ATP8B4: variants seen among roughly 807,000 people sequenced by gnomAD.
ATP8B4 encodes the protein ATPase phospholipid transporting 8B4 (putative).
ATP8B4 carries 133 observed loss-of-function variants against 145.6 expected under a neutral mutation model. The ratio of observed to expected loss-of-function variants is 0.91; its 90% confidence interval spans 0.79 to 1.05. The LOEUF is 1.05. Among genes scored for constraint, ATP8B4 ranks in the 50% least tolerant of loss-of-function variants. The pLI is 0.00. For synonymous variants in ATP8B4, 507 were observed against 492.9 expected, an observed-to-expected ratio of 1.03 and a Z score of -0.38; for missense variants, 1,458 against 1,425.2, an observed-to-expected ratio of 1.02 and a Z score of -0.37.
intron 11 of ATP8B4, among the ~76,000 whole-genome samples, chr15:49,980,103 T>C (rs1051348987): frequency 1.3e-5 from 2 of 152,164 alleles, no homozygotes; most frequent in African/African-American, 4.8e-5. Context: ...ATGTAACTTG[T>C]CTATGTTCAT....
At chr15:50,085,962 T>TGA (rs1567331326) in intron 2 of ATP8B4, among the ~76,000 whole-genome samples, 2 of 55,272 alleles carry the variant, frequency 3.6e-5, no homozygotes, top group African/African-American at 1.8e-4. Flanking sequence ...ATCATATATA[T>TGA]TTATATATGA....
chr15:49,998,219 T>A (rs2047585370), intron 8 of ATP8B4, among the ~76,000 whole-genome samples: 1 of 152,352 alleles, frequency 6.6e-6, no homozygotes, highest in South Asian at 2.1e-4. Context: ...GCCTTCTTGA[T>A]ACTTTTAAAA....
At position 49,879,389 on chromosome 15, in the gene ATP8B4, C is replaced by G; in HGVS notation, c.2768G>C (p.Gly923Ala). ...AAAAAAACATACCTGGTCAAAAATC[C>G]CCATGGCTAAAACAGGCAGTGATGT... ...VYTSLPVLAMGIFDQDVSDQN... is the reference protein window; with the variant it reads ...VYTSLPVLAMAIFDQDVSDQN... The change falls in exon 24 of 28, where the codon GGG (glycine) becomes GCG (alanine). Residue 923 changes from glycine (G) to alanine (A), a missense_variant. By Grantham distance (60) the Gly-to-Ala change is moderately conservative. Transcript: ENST00000284509. 6.2e-7 allele frequency: 1 copy of G among 1,610,966 alleles called. No homozygotes were observed.
rs2031180176 is a variant in ATP8B4 at position 49,859,104 on chromosome 15, G to A, written c.*1090C>T. ...GAAAATACACTGATGATTCATATGT[G>A]GACTGAAATTTGAGCTGCAACATCT... On this transcript the variant is annotated 3_prime_UTR_variant, in exon 28 of 28. Coordinates refer to ENST00000284509, the MANE Select transcript of ATP8B4 (RefSeq NM_024837.4). 6.6e-6 allele frequency: 1 copy of A among 151,990 alleles called. No homozygotes were observed. Among genetic ancestry groups the A allele is most frequent in the Non-Finnish European group, 1.5e-5 (1 of 67,990 alleles). 9.4% of individuals were successfully genotyped at this position (151,990 alleles called of 1,614,324 possible). A position where few individuals can be genotyped will look rare whatever the true frequency, so the allele number is the denominator to read the frequency against.
Position 49,864,196 on chromosome 15 carries a change from C to T in ATP8B4, c.3167-1821G>A, listed in dbSNP as rs370817269. On this transcript the variant is annotated intron_variant, in intron 26 of 27. Transcript: ENST00000284509. ...TAAGAGTGGTGCAACTTAAAGATTT[C>T]CATTTACATGTAGGAAAAGGCAAAA... 1.6e-4 allele frequency among the ~76,000 whole-genome samples: 24 copies of T among 152,274 alleles called. No homozygotes were observed. In the East Asian group the frequency reaches 3.7e-3, roughly 23 times the overall value.
chr15:50,162,181 T>C (rs191388369), intron 1 of ATP8B4, among the ~76,000 whole-genome samples: 298 of 152,204 alleles, frequency 2.0e-3, no homozygotes, highest in African/African-American at 7.1e-3. Context: ...ATGCTTCTTT[T>C]CTCTTGCTGC....
At chr15:49,891,468 G>A (rs754162981) in intron 23 of ATP8B4, among the ~76,000 whole-genome samples, 38 of 152,052 alleles carry the variant, frequency 2.5e-4, no homozygotes, top group Non-Finnish European at 4.7e-4. Context: ...TGGGATTACA[G>A]GCACGCTCCA....
At chr15:50,139,469 G>C (rs1595638689) in intron 1 of ATP8B4, among the ~76,000 whole-genome samples, 1 of 152,134 alleles carries the variant, frequency 6.6e-6, no homozygotes, top group Admixed American at 6.5e-5. Context: ...ATAGCACTAG[G>C]ACAAATACCC....
At chr15:50,162,492 G>A (rs2044534704) in intron 1 of ATP8B4, among the ~76,000 whole-genome samples, 1 of 149,168 alleles carries the variant, frequency 6.7e-6, no homozygotes, top group Non-Finnish European at 1.5e-5. Flanking sequence ...TATCTTATAG[G>A]CAAGTTTTAT....
chr15:49,981,180 T>G, intron 11 of ATP8B4, 26 bp downstream of exon 11: 179 of 1,461,344 alleles, frequency 1.2e-4, no homozygotes, highest in Non-Finnish European at 1.5e-4. Context: ...CAATGACTAG[T>G]GATATTGCCT....
At chr15:49,954,579 A>G (rs1166206718) in intron 14 of ATP8B4, among the ~76,000 whole-genome samples, 1 of 152,226 alleles carries the variant, frequency 6.6e-6, no homozygotes, top group Non-Finnish European at 1.5e-5. Context: ...AAAAATGCTC[A>G]TGATCATTAA....
rs755606688 is a variant in ATP8B4 at position 49,933,975 on chromosome 15, A to C, written c.1453+42T>G. 107 of 1,454,876 alleles carry C rather than the reference A, an allele frequency of 7.4e-5. No individual in the cohort carries two copies. In the South Asian group the frequency reaches 1.3e-3, roughly 18 times the overall value. 90.1% of individuals were successfully genotyped at this position (1,454,876 alleles called of 1,614,324 possible). On this transcript the variant is annotated intron_variant, in intron 15 of 27. Transcript: ENST00000284509. ...TTAGTGTCAGTTTCAATTTTAAAAA[A>C]CAAAAACAAGGTTCACCACTCAGAC...
At chr15:50,152,229 T>C (rs950641172) in intron 1 of ATP8B4, among the ~76,000 whole-genome samples, 1 of 152,162 alleles carries the variant, frequency 6.6e-6, no homozygotes, top group African/African-American at 2.4e-5. Flanking sequence ...ACAGTAACTA[T>C]GGAACTAAGG....
intron 6 of ATP8B4, among the ~76,000 whole-genome samples, chr15:50,024,218 G>A (rs545830103): frequency 3.3e-5 from 5 of 152,086 alleles, no homozygotes; most frequent in East Asian, 1.9e-4. Flanking sequence ...CTGGACAGAC[G>A]GAGAGAGTAA....
At chr15:49,954,097 T>A (rs900215590) in intron 14 of ATP8B4, among the ~76,000 whole-genome samples, 1 of 152,190 alleles carries the variant, frequency 6.6e-6, no homozygotes, top group African/African-American at 2.4e-5. Context: ...AGCCTCTGAA[T>A]GTCACTGCTA....
intron 8 of ATP8B4, among the ~76,000 whole-genome samples, chr15:50,000,957 G>A (rs1301775816): frequency 6.6e-6 from 1 of 151,934 alleles, no homozygotes; most frequent in Non-Finnish European, 1.5e-5. Flanking sequence ...ATTTATGTGT[G>A]CACAGTTGTT....
chr15:49,906,702 G>T (rs2038662916), intron 20 of ATP8B4, among the ~76,000 whole-genome samples: 1 of 152,162 alleles, frequency 6.6e-6, no homozygotes, highest in Non-Finnish European at 1.5e-5. Context: ...AAAAAGAAGG[G>T]GGGGATTTCT....
At chr15:49,863,311 G>A (rs944486122) in intron 26 of ATP8B4, among the ~76,000 whole-genome samples, 2 of 152,204 alleles carry the variant, frequency 1.3e-5, no homozygotes, top group African/African-American at 4.8e-5. Flanking sequence ...CAACATGCTA[G>A]GGCAATAGGA....
intron 23 of ATP8B4, among the ~76,000 whole-genome samples, chr15:49,884,746 G>T (rs1011936851): frequency 2.6e-5 from 4 of 151,748 alleles, no homozygotes; most frequent in Admixed American, 6.6e-5. Context: ...GCCTATAACA[G>T]TCCATAGCCT....
Sources: gnomAD v4.1 joint callset for allele counts (sites outside exome capture counted in the v4.1 genomes callset) on GRCh38, gnomAD v4.1.1 for gene constraint, MANE v1.5 for transcripts, NCBI Gene and HGNC (gene_info 2026-07-23, HGNC 2026-07-21) for gene names.